The following PTPRH variants were observed in gnomAD, a reference collection of about 807,000 sequenced individuals.
The protein encoded by PTPRH is protein tyrosine phosphatase receptor type H, also known as receptor-type tyrosine-protein phosphatase H.
PTPRH carries 113 observed loss-of-function variants against 130.2 expected under a neutral mutation model. The ratio of observed to expected loss-of-function variants is 0.87; its 90% CI spans 0.75 to 1.01. The LOEUF (loss-of-function observed/expected upper bound fraction) is 1.01, where lower values mean the gene tolerates loss of function less well. Ranked by LOEUF, PTPRH falls within the 50% of genes least tolerant of loss-of-function variation. The pLI is 0.00. For synonymous variants in PTPRH, 556 were observed against 577.9 expected (o/e 0.96, Z 0.54); for missense variants, 1,430 against 1,425.0 (o/e 1.00, Z -0.06).
At position 55,181,414 on chromosome 19, in the gene PTPRH, C is replaced by T. The variant is rs979770904; in HGVS notation, c.*340G>A. The stretch of plus-strand genomic sequence containing the variant: ...AGGCAGGATCCTTCCTGCCTTTGGT[C>T]CTCAAGTAGCCAGAACTCCAGACCC... On this transcript the variant is annotated 3_prime_UTR_variant, in exon 20 of 20. Transcript: ENST00000376350. The T allele has an allele frequency of 2.0e-5, 5 of 248,704 alleles. No individual in the cohort carries two copies. The highest frequency in any genetic ancestry group is 9.8e-5 in the Admixed American group (2 of 20,508). 15.4% of individuals were successfully genotyped at this position (248,704 alleles called of 1,614,324 possible).
At chr19:55,197,030 G>A in intron 9 of PTPRH, 87 bp downstream of exon 9, 1 of 1,501,492 alleles carries the variant, frequency 6.7e-7, no homozygotes, top group Non-Finnish European at 9.1e-7. Flanking sequence ...GTGGCCTGAT[G>A]GAATTTGTAT....
intron 10 of PTPRH, among the ~76,000 whole-genome samples, chr19:55,192,610 G>C (rs1009477561): frequency 1.3e-5 from 2 of 150,896 alleles, no homozygotes; most frequent in Non-Finnish European, 1.5e-5. Flanking sequence ...GCAGTGCAGT[G>C]GTGCGACCTC....
intron 10 of PTPRH, among the ~76,000 whole-genome samples, chr19:55,193,036 C>A (rs1482619907): frequency 1.3e-5 from 2 of 151,456 alleles, no homozygotes; most frequent in Non-Finnish European, 2.9e-5. Flanking sequence ...TGAGACCAGC[C>A]TGGGCAACAT....
intron 12 of PTPRH, among the ~76,000 whole-genome samples, chr19:55,189,470 C>T (rs1163874298): frequency 2.0e-5 from 3 of 152,192 alleles, no homozygotes; most frequent in Non-Finnish European, 4.4e-5. Flanking sequence ...ACCTCACTTC[C>T]CACTGCCCTC....
intron 12 of PTPRH, 23 bp from the exon 13 acceptor site, chr19:55,188,191 G>A (rs1391401857): frequency 3.8e-6 from 6 of 1,584,164 alleles, no homozygotes; most frequent in East Asian, 2.2e-5. Flanking sequence ...GGGGAGCAGG[G>A]AGAAAAGACC....
chr19:55,189,951 G>A (rs1393009993), intron 12 of PTPRH, among the ~76,000 whole-genome samples: 1 of 152,144 alleles, frequency 6.6e-6, no homozygotes, highest in South Asian at 2.1e-4. Flanking sequence ...CTATGATTGC[G>A]CCACTGCACT....
intron 14 of PTPRH, among the ~76,000 whole-genome samples, chr19:55,187,307 T>C (rs186475325): frequency 0.087 from 9,097 of 105,098 alleles, 365 homozygotes; most frequent in African/African-American, 0.16. Flanking sequence ...ATCGCGCCAC[T>C]GCACTCCAGC....
intron 4 of PTPRH, 107 bp from the exon 5 acceptor site, chr19:55,204,155 T>TC: frequency 4.7e-6 from 6 of 1,279,192 alleles, no homozygotes; most frequent in Non-Finnish European, 6.4e-6. Flanking sequence ...AGTCTCTGTC[T>TC]GTCATCCAGG....
chr19:55,191,705 A>C lies in PTPRH; in HGVS notation c.2294T>G (p.Phe765Cys). 1.2e-6 allele frequency: 2 copies of C among 1,614,116 alleles called. No homozygotes were observed. Among genetic ancestry groups the C allele is most frequent in the Non-Finnish European group, 1.7e-6 (2 of 1,180,008 alleles). Residue 765 changes from phenylalanine to cysteine, a missense_variant, in exon 11 of 20, where the codon TTT becomes TGT. Phe to Cys is a radical substitution (Grantham distance 205). Coordinates refer to ENST00000376350, the MANE Select transcript of PTPRH (RefSeq NM_002842.5). ...AATCAGCAGGCCCACGAGGATGAGA[A>C]ACAGGAGGATGCCCACAAAGGCTCC... ...IAGAFVGILL[F>C]LILVGLLIFF...
Position 55,198,931 on chromosome 19 carries a change from T to C in PTPRH, c.1421-19A>G, listed in dbSNP as rs1220541172. ...TTGGGGACTGGGAGAGGGAGCAGAG[T>C]CAGGATTTCCACATCCCCTAGTCCT... On this transcript the variant is annotated intron_variant, in intron 7 of 19. Transcript: ENST00000376350. 1.3e-6 allele frequency: 2 copies of C among 1,496,910 alleles called. No individual in the cohort carries two copies. Among genetic ancestry groups the C allele is most frequent in the East Asian group, 4.7e-5 (2 of 42,796 alleles). 92.7% of individuals were successfully genotyped at this position (1,496,910 alleles called of 1,614,324 possible). A position where few individuals can be genotyped will look rare whatever the true frequency, so the allele number is the denominator to read the frequency against.
chr19:55,189,772 G>A (rs2086470564), intron 12 of PTPRH: 1 of 455,118 alleles, frequency 2.2e-6, no homozygotes, highest in Non-Finnish European at 4.4e-6. Context: ...CTTGGGGCCA[G>A]AAGTTCAAGA....
At chr19:55,192,294 C>G (rs1018818417) in intron 10 of PTPRH, among the ~76,000 whole-genome samples, 1 of 151,482 alleles carries the variant, frequency 6.6e-6, no homozygotes, top group Non-Finnish European at 1.5e-5. Context: ...CCCAGCTACT[C>G]GGGAGGCTGA....
Position 55,185,639 on chromosome 19 carries a change from A to C in PTPRH, c.2925T>G (p.Ser975=). The C allele has an allele frequency of 6.2e-7, 1 of 1,614,162 alleles. No individual in the cohort carries two copies. The highest frequency in any genetic ancestry group is 1.7e-5 in the Admixed American group (1 of 60,018). ...AGGCCTGGTAGTGGAATTGGCGCAC[A>C]GACAGTGTCTTCTGCTCCTCCACCT... is the stretch of plus-strand genomic sequence containing the variant. ...LLQVEEQKTL[S]VRQFHYQAWP... The change falls in exon 18 of 20, where the codon TCT becomes TCG. Residue 975 remains serine (S), a synonymous_variant. Transcript: ENST00000376350.
At chr19:55,206,434 T>G (rs976064821) in intron 3 of PTPRH, among the ~76,000 whole-genome samples, 1 of 151,372 alleles carries the variant, frequency 6.6e-6, no homozygotes, top group Non-Finnish European at 1.5e-5. Context: ...AGCGATCCTC[T>G]CACCTCAGCC....
In PTPRH at chr19:55,205,558, A is replaced by G. The variant is rs776062896; in HGVS notation, c.387T>C (p.Ala129=). Residue 129 remains alanine, a synonymous_variant, in exon 4 of 20, where the codon GCT becomes GCC. Coordinates refer to ENST00000376350, the MANE Select transcript of PTPRH (RefSeq NM_002842.5). ...PNPVRNLRVE[A]QTNSSIALTW... is the part of the protein sequence containing the mutation. Reference sequence around the variant, plus strand: ...TCAGGGCGATGGAGCTGTTGGTCTGAGCCTCCACTCTCAGGTTCCTCACTG... The same window carrying G: ...TCAGGGCGATGGAGCTGTTGGTCTGGGCCTCCACTCTCAGGTTCCTCACTG... The G allele has an allele frequency of 6.2e-7, 1 of 1,614,196 alleles. No individual in the cohort carries two copies. Among genetic ancestry groups the G allele is most frequent in the Non-Finnish European group, 8.5e-7 (1 of 1,180,036 alleles).
chr19:55,200,257 G>T lies in PTPRH; in HGVS notation c.1399C>A (p.Gln467Lys). The change falls in exon 7 of 20, where the codon CAG (glutamine) becomes AAG (lysine). Residue 467 changes from glutamine to lysine, a missense_variant. Transcript: ENST00000376350. The part of the protein sequence containing the change: ...AEKNGARGSR[Q>K]NVSISTVPNA... ...CTACCTGTGGAGATGCTGACATTCTGCCTGGAGCCACGTGCTCCATTTTTT... is the reference window on the plus strand; with the variant it reads ...CTACCTGTGGAGATGCTGACATTCTTCCTGGAGCCACGTGCTCCATTTTTT... 6.2e-7 allele frequency: 1 copy of T among 1,614,226 alleles called. No homozygotes were observed. The highest frequency in any genetic ancestry group is 2.2e-5 in the East Asian group (1 of 44,884).
In PTPRH at chr19:55,200,508, A is replaced by C; in HGVS notation, c.1154-6T>G. ...GTTTCTCACTGGGTTGGGGGCTGAG[A>C]AAGTAGGAAGAAGATCCTATGTTGT... On this transcript the variant is annotated splice_region_variant and splice_polypyrimidine_tract_variant and intron_variant, in intron 6 of 19. Coordinates refer to ENST00000376350, the MANE Select transcript of PTPRH (RefSeq NM_002842.5). 1 of 1,613,664 alleles carries C rather than the reference A, an allele frequency of 6.2e-7. No individual in the cohort carries two copies. Among genetic ancestry groups the C allele is most frequent in the Non-Finnish European group, 8.5e-7 (1 of 1,179,744 alleles).
intron 14 of PTPRH, among the ~76,000 whole-genome samples, chr19:55,187,162 G>A (rs571286549): frequency 5.7e-4 from 86 of 150,622 alleles, no homozygotes; most frequent in East Asian, 9.8e-4. Flanking sequence ...TGGCTAACAC[G>A]GTGAAACCCT....
Position 55,203,738 on chromosome 19 carries a change from G to A in PTPRH, c.886+44C>T, listed in dbSNP as rs199993570. ...CAGCTCCCAACCACCCCCTACCACT[G>A]TCCTTATAAAAGAAATAAAAATAAA... is the stretch of plus-strand genomic sequence containing the variant. On this transcript the variant is annotated intron_variant, in intron 5 of 19. Transcript: ENST00000376350. 3.7e-4 allele frequency: 586 copies of A among 1,565,552 alleles called. 5 individuals carry two copies. The African/African-American group carries it at 7.3e-3, about 20-fold the overall frequency.
Sources: allele counts gnomAD v4.1 joint callset (sites outside exome capture counted in the v4.1 genomes callset), GRCh38; gene constraint gnomAD v4.1.1; transcripts MANE v1.5; gene names NCBI Gene and HGNC (gene_info 2026-07-23, HGNC 2026-07-21).